Variants in EXOC4 observed in about 807,000 individuals in gnomAD.
EXOC4 encodes SEC8-like 1.
EXOC4 carries 71 observed loss-of-function variants against 107.2 expected under a neutral mutation model. The observed-to-expected ratio is 0.66, with a 90% CI of 0.55 to 0.81. The LOEUF is 0.81. EXOC4 is among the 30% of genes least tolerant of loss of function. The probability of loss-of-function intolerance (pLI) is 0.00; values close to 1 mark genes in which losing one functional copy is unlikely to be tolerated. For missense variants in EXOC4, 1,108 were observed against 1,189.6 expected (o/e 0.93, Z 1.01); for synonymous variants, 456 against 441.2 (o/e 1.03, Z -0.42).
the EXOC4 span, among the ~76,000 whole-genome samples, chr7:134,083,888 G>T: frequency 1.3e-5 from 2 of 152,198 alleles, no homozygotes; most frequent in Admixed American, 1.3e-4. Flanking sequence ...AAGGGGGCAA[G>T]GTCTGATGCA....
chr7:133,338,011 CTTT>C (rs35115594), intron 5 of EXOC4, among the ~76,000 whole-genome samples: 4 of 141,244 alleles, frequency 2.8e-5, no homozygotes, highest in Non-Finnish European at 3.1e-5. Flanking sequence ...GGTTTTCTTT[CTTT>C]TTTTTTTTTT....
intron 10 of EXOC4, among the ~76,000 whole-genome samples, chr7:133,715,986 T>C (rs1160799128): frequency 6.6e-6 from 1 of 152,202 alleles, no homozygotes; most frequent in Non-Finnish European, 1.5e-5. Flanking sequence ...TGATGCAGAA[T>C]CATTAAAGCA....
chr7:133,994,060 C>T (rs1794323903), intron 14 of EXOC4, among the ~76,000 whole-genome samples: 1 of 152,180 alleles, frequency 6.6e-6, no homozygotes, highest in South Asian at 2.1e-4. Context: ...AGCTTCCTTT[C>T]GTGGAACAAT....
chr7:133,862,320 C>G (rs1249354426), intron 11 of EXOC4, among the ~76,000 whole-genome samples: 1 of 151,976 alleles, frequency 6.6e-6, no homozygotes, highest in Non-Finnish European at 1.5e-5. Flanking sequence ...AATCCCATCT[C>G]TACTAAAAAT....
At chr7:133,404,488 G>A (rs1281780423) in intron 7 of EXOC4, among the ~76,000 whole-genome samples, 1 of 152,054 alleles carries the variant, frequency 6.6e-6, no homozygotes, top group Non-Finnish European at 1.5e-5. Context: ...TGGAAGCTGT[G>A]CATCTCACAT....
intron 9 of EXOC4, among the ~76,000 whole-genome samples, chr7:133,576,058 A>G (rs1486578960): frequency 1.3e-5 from 2 of 152,106 alleles, no homozygotes; most frequent in African/African-American, 4.8e-5. Context: ...CACTTTTCTT[A>G]TTATCTATTA....
intron 1 of EXOC4, among the ~76,000 whole-genome samples, chr7:133,257,277 G>T (rs1013903281): frequency 1.3e-5 from 2 of 152,074 alleles, no homozygotes; most frequent in Admixed American, 6.5e-5. Context: ...GATGTGTGAT[G>T]TATGATTTGG....
rs74512052 is a variant in EXOC4, at chr7:133,630,754, A to G, written c.1514+613A>G. ...AAAAAATGAAAGACATATACATCAA[A>G]CATATGTTTTTATATATTGAATGAT... On this transcript the variant is annotated intron_variant, in intron 10 of 17. Coordinates refer to ENST00000253861, the MANE Select transcript of EXOC4 (RefSeq NM_021807.4). 4.8e-3 allele frequency among the ~76,000 whole-genome samples: 731 copies of G among 152,306 alleles called. 3 individuals carry two copies. The highest frequency in any genetic ancestry group is 0.017 in the Middle Eastern group (5 of 294).
At chr7:133,637,297 A>G (rs183507243) in intron 10 of EXOC4, among the ~76,000 whole-genome samples, 30 of 152,318 alleles carry the variant, frequency 2.0e-4, no homozygotes, top group African/African-American at 7.2e-4. Flanking sequence ...GATCAAAGGC[A>G]TATATAATTT....
intron 7 of EXOC4, among the ~76,000 whole-genome samples, chr7:133,413,140 C>A (rs567358552): frequency 2.0e-5 from 3 of 152,098 alleles, no homozygotes; most frequent in Admixed American, 2.0e-4. Flanking sequence ...CAATTCAAAG[C>A]GGAGAGCTCC....
chr7:133,341,298 A>G (rs977181237), intron 5 of EXOC4, among the ~76,000 whole-genome samples: 10 of 152,228 alleles, frequency 6.6e-5, no homozygotes, highest in African/African-American at 2.4e-4. Context: ...TGCAAAGACC[A>G]TTCAGGAGCA....
At chr7:133,679,538 G>GGCCA (rs370292722) in intron 10 of EXOC4, among the ~76,000 whole-genome samples, 1 of 143,048 alleles carries the variant, frequency 7.0e-6, no homozygotes. Flanking sequence ...CCATCCGTCC[G>GGCCA]TCCGTCCATC....
rs540677432 is a variant in EXOC4 at position 133,480,144 on chromosome 7, T to A, written c.1417+6T>A. ...TCGGAGTGGAGAACTGCAAGGTGAG[T>A]GATTGAGCTTCTCTGGAAAAATTAA... On this transcript the variant is annotated splice_donor_region_variant and intron_variant, in intron 9 of 17. Coordinates refer to ENST00000253861, the MANE Select transcript of EXOC4 (RefSeq NM_021807.4). 1.5e-5 allele frequency: 25 copies of A among 1,613,400 alleles called. No individual in the cohort carries two copies. The East Asian group carries it at 4.9e-4, about 32-fold the overall frequency.
intron 9 of EXOC4, among the ~76,000 whole-genome samples, chr7:133,500,344 AATAGATG>A (rs1291828138): frequency 6.6e-6 from 1 of 152,208 alleles, no homozygotes; most frequent in African/African-American, 2.4e-5. Flanking sequence ...TTTATGTCAT[AATAGATG>A]AGCTTACAAC....
At chr7:133,643,871 T>C (rs1023060085) in intron 10 of EXOC4, among the ~76,000 whole-genome samples, 4 of 152,228 alleles carry the variant, frequency 2.6e-5, no homozygotes, top group African/African-American at 9.6e-5. Flanking sequence ...CACGTGGTCA[T>C]GGCTGGTATT....
At chr7:134,034,583 TCTC>T (rs1404642706) in intron 17 of EXOC4, among the ~76,000 whole-genome samples, 6 of 152,168 alleles carry the variant, frequency 3.9e-5, no homozygotes, top group African/African-American at 1.4e-4. Flanking sequence ...GATCAGCACT[TCTC>T]CTTCCTGCAG....
intron 9 of EXOC4, among the ~76,000 whole-genome samples, chr7:133,612,104 C>A (rs892958649): frequency 3.3e-5 from 5 of 152,052 alleles, no homozygotes; most frequent in African/African-American, 1.2e-4. Flanking sequence ...TATTTAATGA[C>A]ATGGGAAAAC....
intron 12 of EXOC4, 26 bp downstream of exon 12, chr7:133,895,761 A>G (rs1311627679): frequency 1.9e-6 from 3 of 1,600,052 alleles, no homozygotes; most frequent in South Asian, 2.2e-5. Context: ...GGGGCTAAGC[A>G]AAGTAACGTT....
At chr7:134,077,336 A>G in the EXOC4 span, among the ~76,000 whole-genome samples, 1 of 152,330 alleles carries the variant, frequency 6.6e-6, no homozygotes, top group East Asian at 1.9e-4. Flanking sequence ...AACAAATTGG[A>G]TGATGCTTAC....
Sources: gnomAD v4.1 joint callset for allele counts (sites outside exome capture counted in the v4.1 genomes callset) on GRCh38, gnomAD v4.1.1 for gene constraint, MANE v1.5 for transcripts, NCBI Gene and HGNC (gene_info 2026-07-23, HGNC 2026-07-21) for gene names.